The following NUP153 variants were observed in gnomAD, a reference collection of about 807,000 sequenced individuals.
NUP153 encodes nuclear pore complex protein Nup153.
In NUP153, 27 loss-of-function variants were observed where a neutral mutation model predicts 134.6. That is an observed-to-expected ratio of 0.20 (90% CI 0.15 to 0.28). The LOEUF (loss-of-function observed/expected upper bound fraction) is 0.28. Ranked by LOEUF, NUP153 falls within the 10% of genes least tolerant of loss-of-function variation. The pLI is 1.00. For missense variants in NUP153, 1,821 were observed against 1,731.3 expected (o/e 1.05, Z -0.92); for synonymous variants, 640 against 623.5 (o/e 1.03, Z -0.40).
intron 12 of NUP153, 101 bp from the exon 13 acceptor site, chr6:17,648,006 A>C: frequency 1.4e-6 from 1 of 720,804 alleles, no homozygotes; most frequent in Middle Eastern, 3.2e-4. Flanking sequence ...AAAGACACTA[A>C]GTATTTTTTC....
chr6:17,643,076 TG>T (rs1158063719), intron 14 of NUP153, among the ~76,000 whole-genome samples: 3 of 152,152 alleles, frequency 2.0e-5, no homozygotes, highest in Non-Finnish European at 4.4e-5. Flanking sequence ...ATAAATGTTT[TG>T]GAACTAGATA....
intron 2 of NUP153, among the ~76,000 whole-genome samples, chr6:17,678,422 G>C (rs945227395): frequency 2.0e-5 from 3 of 148,200 alleles, no homozygotes; most frequent in African/African-American, 7.5e-5. Flanking sequence ...GGAAGTAACA[G>C]TTTCTAAACT....
At chr6:17,634,429 G>C (rs1009249770) in intron 16 of NUP153, among the ~76,000 whole-genome samples, 6 of 148,548 alleles carry the variant, frequency 4.0e-5, no homozygotes, top group Non-Finnish European at 9.0e-5. Flanking sequence ...TGTATCCAAA[G>C]GCCTTACATA....
rs1768508391 is a variant in NUP153 at position 17,680,434 on chromosome 6, T to C, written c.335-4664A>G. On this transcript the variant is annotated intron_variant, in intron 2 of 21. Transcript: ENST00000262077. The surrounding 1 kb of genome is among the most constrained non-coding windows in gnomAD (Gnocchi z 4.5). Reference sequence around the variant, plus strand: ...AAGAATGAACCCTTATCTTGAACCATATACAAAAATTAACTCTAAATGGAT... The same window carrying C: ...AAGAATGAACCCTTATCTTGAACCACATACAAAAATTAACTCTAAATGGAT... 1.3e-5 allele frequency among the ~76,000 whole-genome samples: 2 copies of C among 152,160 alleles called. No homozygotes were observed.
At position 17,637,185 on chromosome 6, in the gene NUP153, T is replaced by C; in HGVS notation, c.2432A>G (p.Asn811Ser). The change falls in exon 16 of 22, where the codon AAT becomes AGT. Residue 811 changes from asparagine to serine, a missense_variant. Transcript: ENST00000262077. ...VCCVSNNAEDNKCVSCMSEKP... is the reference protein window; with the variant it reads ...VCCVSNNAEDSKCVSCMSEKP... ...CTCAGACATACAGGACACACACTTA[T>C]TGTCTTCTGCATTATTAGAAACACA... 1.2e-6 allele frequency: 2 copies of C among 1,613,714 alleles called. No homozygotes were observed. The highest frequency in any genetic ancestry group is 1.7e-6 in the Non-Finnish European group (2 of 1,179,608).
chr6:17,693,757 A>G (rs1037184461), intron 1 of NUP153, among the ~76,000 whole-genome samples: 2 of 151,980 alleles, frequency 1.3e-5, no homozygotes, highest in Admixed American at 1.3e-4. Flanking sequence ...GTGGTGGCAC[A>G]CTCCTGTAAT....
rs575010800 is a variant in NUP153, at chr6:17,625,081, G to A, written c.3902-248C>T. 1.6e-3 allele frequency among the ~76,000 whole-genome samples: 240 copies of A among 152,188 alleles called. No homozygotes were observed. Among genetic ancestry groups the A allele is most frequent in the Middle Eastern group, 6.8e-3 (2 of 294 alleles). On this transcript the variant is annotated intron_variant, in intron 19 of 21. Transcript: ENST00000262077. This position sits in a 1 kb window ranked among gnomAD's most constrained non-coding sequence, Gnocchi z 4.7. The stretch of plus-strand genomic sequence containing the variant: ...ACAACTACTCCACACCTTTACAGCC[G>A]ACAATTTCTGGTAAAGGAACATATC...
At chr6:17,696,729 T>A (rs1278381285) in intron 1 of NUP153, among the ~76,000 whole-genome samples, 1 of 151,928 alleles carries the variant, frequency 6.6e-6, no homozygotes, top group Non-Finnish European at 1.5e-5. Flanking sequence ...CACTCCAACC[T>A]GGGCCACAGA....
intron 2 of NUP153, among the ~76,000 whole-genome samples, chr6:17,676,275 G>A (rs540737503): frequency 1.3e-5 from 2 of 152,234 alleles, no homozygotes; most frequent in African/African-American, 4.8e-5. Context: ...TATAACCTAA[G>A]GTAATCTCTT....
intron 2 of NUP153, among the ~76,000 whole-genome samples, chr6:17,678,997 T>C (rs1581750693): frequency 6.8e-6 from 1 of 147,998 alleles, no homozygotes; most frequent in South Asian, 2.1e-4. Flanking sequence ...GCTTAAGCAA[T>C]ACAAAACAAT....
intron 17 of NUP153, among the ~76,000 whole-genome samples, chr6:17,631,416 C>T (rs1478455084): frequency 6.6e-6 from 1 of 152,100 alleles, no homozygotes; most frequent in Non-Finnish European, 1.5e-5. Flanking sequence ...GGATATGTTG[C>T]CTGGCAGTGA....
At chr6:17,671,704 C>T (rs1398254978) in intron 5 of NUP153, among the ~76,000 whole-genome samples, 1 of 152,070 alleles carries the variant, frequency 6.6e-6, no homozygotes, top group African/African-American at 2.4e-5. Context: ...GGTCTTTAGA[C>T]TCAAATGCAA....
chr6:17,672,165 G>C (rs920804703), intron 5 of NUP153, among the ~76,000 whole-genome samples: 6 of 151,518 alleles, frequency 4.0e-5, no homozygotes, highest in Admixed American at 2.0e-4. Context: ...AAGACCTACC[G>C]GGAAGCCTAT....
chr6:17,616,451 CTT>C, intron 21 of NUP153, 74 bp downstream of exon 21: 2 of 1,333,912 alleles, frequency 1.5e-6, no homozygotes, highest in East Asian at 4.8e-5. Context: ...ATCTTGATGA[CTT>C]TTAAAAACAA....
intron 16 of NUP153, among the ~76,000 whole-genome samples, chr6:17,635,149 G>A (rs1268324215): frequency 1.5e-4 from 19 of 123,462 alleles, no homozygotes; most frequent in East Asian, 2.6e-4. Context: ...TCGCTCTGTC[G>A]CCCAGGCTGG....
intron 1 of NUP153, among the ~76,000 whole-genome samples, chr6:17,703,655 TAAAA>T (rs57394467): frequency 4.6e-4 from 65 of 142,116 alleles, no homozygotes; most frequent in Admixed American, 2.7e-3. Flanking sequence ...TTTTTAAGAT[TAAAA>T]AAAAAAAAAA....
chr6:17,641,212 AGAG>A (rs1352735618), intron 14 of NUP153, among the ~76,000 whole-genome samples: 7 of 151,936 alleles, frequency 4.6e-5, no homozygotes, highest in African/African-American at 1.7e-4. Flanking sequence ...TGGGATGGGG[AGAG>A]GAGGGATGGA....
At position 17,669,429 on chromosome 6, in the gene NUP153, C is replaced by T; in HGVS notation, c.969+1G>A. The T allele has an allele frequency of 6.2e-7, 1 of 1,610,782 alleles. No homozygotes were observed. The highest frequency in any genetic ancestry group is 8.5e-7 in the Non-Finnish European group (1 of 1,176,992). On this transcript the variant is annotated splice_donor_variant, in intron 6 of 21. Coordinates refer to ENST00000262077, the MANE Select transcript of NUP153 (RefSeq NM_005124.4). LOFTEE classifies it high-confidence loss of function. ...TATTAATCGTGATTTTAAAAATTTA[C>T]CGCTAAAGGGCTTGACATCTTCTCT...
intron 13 of NUP153, among the ~76,000 whole-genome samples, 195 bp downstream of exon 13, chr6:17,647,612 A>C (rs535202434): frequency 6.6e-6 from 1 of 152,382 alleles, no homozygotes; most frequent in South Asian, 2.1e-4. Flanking sequence ...GGTACAGAAG[A>C]AAATGAATAT....
Sources: gnomAD v4.1 joint callset for allele counts (sites outside exome capture counted in the v4.1 genomes callset) on GRCh38, gnomAD v4.1.1 for gene constraint, Gnocchi (gnomAD v3.1) non-coding constraint, MANE v1.5 for transcripts, NCBI Gene and HGNC (gene_info 2026-07-23, HGNC 2026-07-21) for gene names.